Variants in SH3BP5 observed in about 807,000 individuals in gnomAD.
SH3BP5 encodes the protein SH3 domain binding protein 5.
Under a neutral mutation model 43.3 loss-of-function variants are expected in SH3BP5, and 22 were observed. The ratio of observed to expected loss-of-function variants is 0.51; its 90% CI spans 0.36 to 0.73. The LOEUF is 0.73. Among genes scored for constraint, SH3BP5 ranks in the 30% least tolerant of loss-of-function variants. The probability of loss-of-function intolerance (pLI) is 0.00; values close to 1 mark genes in which losing one functional copy is unlikely to be tolerated. For missense variants in SH3BP5, 529 were observed against 586.9 expected (o/e 0.90, Z 1.02); for synonymous variants, 255 against 225.8 (o/e 1.13, Z -1.16).
intron 3 of SH3BP5, chr3:15,273,454 A>G (rs1696873896): frequency 1.0e-6 from 1 of 959,978 alleles, no homozygotes; most frequent in Admixed American, 6.2e-5. Context: ...TGAGAAGAAC[A>G]TGTGCTGTCA....
At chr3:15,259,664 A>G (rs755567261) in intron 6 of SH3BP5, 97 bp downstream of exon 6, 1 of 1,114,494 alleles carries the variant, frequency 9.0e-7, no homozygotes, top group African/African-American at 1.5e-5. Flanking sequence ...CTTTCCCCTT[A>G]TAGCAAGTGG....
chr3:15,309,920 A>C lies in SH3BP5; in HGVS notation c.202-5689T>G, dbSNP rs114119844. On this transcript the variant is annotated intron_variant, in intron 2 of 8. Coordinates refer to ENST00000383791, the MANE Select transcript of SH3BP5 (RefSeq NM_004844.5). ...TTCCCCGCTCCACCCCCCCCCCATAAGAAAAAGCCCACCCAGTTGTTTCCA... is the reference window on the plus strand; with the variant it reads ...TTCCCCGCTCCACCCCCCCCCCATACGAAAAAGCCCACCCAGTTGTTTCCA... Among the ~76,000 whole-genome samples the C allele has an allele frequency of 3.6e-3, 525 of 144,930 alleles. 4 individuals are homozygous for C. The highest frequency in any genetic ancestry group is 0.013 in the African/African-American group (495 of 39,440).
At chr3:15,332,788 C>T (rs920306248), upstream of SH3BP5, among the ~76,000 whole-genome samples, 3 of 152,206 alleles carry the variant, frequency 2.0e-5, no homozygotes, top group Admixed American at 1.3e-4. Context: ...GGATATATCT[C>T]AACTACGTAA....
At chr3:15,291,771 G>A (rs937116194) in intron 3 of SH3BP5, among the ~76,000 whole-genome samples, 19 of 152,206 alleles carry the variant, frequency 1.2e-4, no homozygotes, top group African/African-American at 4.6e-4. Flanking sequence ...CTATGGGAAT[G>A]TTTGTAAGTC....
chr3:15,275,528 T>C (rs1323703324), intron 3 of SH3BP5: 1 of 152,242 alleles, frequency 6.6e-6, no homozygotes, highest in Non-Finnish European at 1.5e-5. Flanking sequence ...GCACAAGTCA[T>C]GCAGTGATTC....
At chr3:15,305,875 A>G (rs997055211) in intron 2 of SH3BP5, among the ~76,000 whole-genome samples, 1 of 151,920 alleles carries the variant, frequency 6.6e-6, no homozygotes, top group Admixed American at 6.6e-5. Flanking sequence ...AAGTCAAGAA[A>G]CCAGATCCAA....
intron 2 of SH3BP5, among the ~76,000 whole-genome samples, chr3:15,325,712 A>G (rs942839022): frequency 6.6e-6 from 1 of 152,194 alleles, no homozygotes; most frequent in African/African-American, 2.4e-5. Flanking sequence ...TAGGTGCTCA[A>G]TAAATACTTA....
intron 3 of SH3BP5, among the ~76,000 whole-genome samples, chr3:15,298,648 C>G (rs1224107695): frequency 6.6e-6 from 1 of 152,166 alleles, no homozygotes; most frequent in Non-Finnish European, 1.5e-5. Context: ...CATGCTATAA[C>G]ATGGATGAAT....
chr3:15,298,115 C>A (rs1452804318), intron 3 of SH3BP5, among the ~76,000 whole-genome samples: 2 of 151,824 alleles, frequency 1.3e-5, no homozygotes, highest in Non-Finnish European at 2.9e-5. Context: ...TAGCTGGGAC[C>A]ACAGGCATGC....
chr3:15,262,842 C>T (rs1374189256), intron 4 of SH3BP5, among the ~76,000 whole-genome samples: 1 of 151,978 alleles, frequency 6.6e-6, no homozygotes, highest in African/African-American at 2.4e-5. Flanking sequence ...CCTGTAGTCC[C>T]AGCTACTTGA....
Position 15,332,280 on chromosome 3 carries a change from G to T in SH3BP5, c.129C>A (p.Pro43=). ...QGLEEEEEVD[P]RIQGELEKLN... is the part of the protein sequence containing the mutation. ...ACCCCGCGCGCCCTACCTGGATCCG[G>T]GGATCCACCTCTTCTTCCTCCTCCA... The change falls in exon 1 of 9, where the codon CCC becomes CCA. Residue 43 remains proline (P), a synonymous_variant. Coordinates refer to ENST00000383791, the MANE Select transcript of SH3BP5 (RefSeq NM_004844.5). 1 of 1,550,006 alleles carries T rather than the reference G, an allele frequency of 6.5e-7. No homozygotes were observed.
At chr3:15,328,050 T>G (rs1284869345) in intron 2 of SH3BP5, among the ~76,000 whole-genome samples, 3 of 152,194 alleles carry the variant, frequency 2.0e-5, no homozygotes, top group Non-Finnish European at 2.9e-5. Flanking sequence ...GAGTTTTTAA[T>G]TGCTTATGTA....
At position 15,255,051 on chromosome 3, in the gene SH3BP5, A is replaced by AACAAG. The variant is rs1696144472; in HGVS notation, c.*1030_*1034dup. 6.6e-6 allele frequency: 1 copy of AACAAG among 151,048 alleles called. No homozygotes were observed. 9.4% of individuals were successfully genotyped at this position (151,048 alleles called of 1,614,324 possible). On this transcript the variant is annotated 3_prime_UTR_variant, in exon 9 of 9. Transcript: ENST00000383791. The stretch of plus-strand genomic sequence containing the variant: ...TCTTTTAGAAATGCTAAATTTTCTT[A>AACAAG]ACAAGACAAAAATACAGTGCTCTAA...
intron 2 of SH3BP5, among the ~76,000 whole-genome samples, chr3:15,317,556 T>C (rs1396817922): frequency 6.6e-6 from 1 of 152,190 alleles, no homozygotes; most frequent in Non-Finnish European, 1.5e-5. Context: ...GTAGAGGACT[T>C]TCATTTTTCA....
chr3:15,269,375 G>GT (rs1696732902), intron 4 of SH3BP5, among the ~76,000 whole-genome samples: 1 of 152,154 alleles, frequency 6.6e-6, no homozygotes, highest in South Asian at 2.1e-4. Flanking sequence ...AACCCAGCCA[G>GT]TATTGCTGGG....
chr3:15,304,335 G>A (rs754579619), intron 2 of SH3BP5, 104 bp from the exon 3 acceptor site: 63 of 1,548,858 alleles, frequency 4.1e-5, no homozygotes, highest in South Asian at 9.0e-5. Context: ...TTTACCCAAC[G>A]TACAGACCCC....
intron 2 of SH3BP5, among the ~76,000 whole-genome samples, chr3:15,319,660 G>A (rs1698271793): frequency 6.6e-6 from 1 of 152,136 alleles, no homozygotes; most frequent in African/African-American, 2.4e-5. Context: ...ACTCTGGAAG[G>A]AGCCAGAAAC....
At chr3:15,284,473 C>A (rs1251964252) in intron 3 of SH3BP5, among the ~76,000 whole-genome samples, 1 of 152,250 alleles carries the variant, frequency 6.6e-6, no homozygotes, top group Non-Finnish European at 1.5e-5. Context: ...TATTTGGCGA[C>A]TGCTTTCCAA....
chr3:15,267,105 G>A (rs867606647), intron 4 of SH3BP5, among the ~76,000 whole-genome samples: 1 of 152,218 alleles, frequency 6.6e-6, no homozygotes. Context: ...GGCAGACAAG[G>A]GAGGAGACAT....
Sources: allele counts gnomAD v4.1 joint callset (sites outside exome capture counted in the v4.1 genomes callset), GRCh38; gene constraint gnomAD v4.1.1; transcripts MANE v1.5; gene names NCBI Gene and HGNC (gene_info 2026-07-23, HGNC 2026-07-21).